CSMD1: variants seen among roughly 807,000 people sequenced by gnomAD.
CSMD1 encodes the protein CUB and sushi domain-containing protein 1.
A neutral mutation model predicts 417.5 loss-of-function variants in CSMD1; 213 were observed. The ratio of observed to expected loss-of-function variants is 0.51; its 90% CI spans 0.46 to 0.57. The LOEUF is 0.57. Ranked by LOEUF, CSMD1 falls within the 20% of genes least tolerant of loss-of-function variation. CSMD1 has a pLI of 0.00. For synonymous variants in CSMD1, 2,862 were observed against 1,736.8 expected, an observed-to-expected ratio of 1.65 and a Z score of -16.11; for missense variants, 6,923 against 4,529.7, an observed-to-expected ratio of 1.53 and a Z score of -15.17.
At chr8:4,099,896 G>A (rs1351228942) in intron 3 of CSMD1, among the ~76,000 whole-genome samples, 2 of 152,104 alleles carry the variant, frequency 1.3e-5, no homozygotes, top group African/African-American at 4.8e-5. Flanking sequence ...AACCAGTTCA[G>A]ACATGGAGAC....
At chr8:4,609,012 G>GA (rs60439250) in intron 2 of CSMD1, among the ~76,000 whole-genome samples, 5,687 of 138,216 alleles carry the variant, frequency 0.041, 283 homozygotes, top group East Asian at 0.16. Context: ...CTTGAATGTA[G>GA]AAAAAAAAAA....
At chr8:4,163,255 T>C (rs569874873) in intron 3 of CSMD1, among the ~76,000 whole-genome samples, 1 of 152,184 alleles carries the variant, frequency 6.6e-6, no homozygotes, top group South Asian at 2.1e-4. Flanking sequence ...TAACAAGGAG[T>C]GTGCTTCCTG....
chr8:4,168,349 T>C (rs890676802), intron 3 of CSMD1, among the ~76,000 whole-genome samples: 4 of 151,986 alleles, frequency 2.6e-5, no homozygotes, highest in African/African-American at 9.7e-5. Context: ...TGATCCTTGA[T>C]TGCGCCACTG....
chr8:4,659,820 A>G (rs1237139640), intron 1 of CSMD1, among the ~76,000 whole-genome samples: 1 of 152,180 alleles, frequency 6.6e-6, no homozygotes, highest in Non-Finnish European at 1.5e-5. Context: ...TTTTTAAATT[A>G]ATCTATGTAA....
chr8:4,254,030 C>A (rs1803269381), intron 3 of CSMD1, among the ~76,000 whole-genome samples: 1 of 150,366 alleles, frequency 6.7e-6, no homozygotes, highest in East Asian at 2.0e-4. Flanking sequence ...CATTCTCCCG[C>A]CTCAGCCTCC....
chr8:3,016,022 T>A (rs1425698561), intron 52 of CSMD1, among the ~76,000 whole-genome samples: 1 of 152,196 alleles, frequency 6.6e-6, no homozygotes, highest in African/African-American at 2.4e-5. Context: ...TGAATTAGCA[T>A]GATAGTATTC....
chr8:3,682,364 A>G (rs1799710504), intron 7 of CSMD1, among the ~76,000 whole-genome samples: 1 of 152,240 alleles, frequency 6.6e-6, no homozygotes, highest in Non-Finnish European at 1.5e-5. Flanking sequence ...AAGCAACCGC[A>G]TCAACAAGTG....
intron 3 of CSMD1, among the ~76,000 whole-genome samples, chr8:4,253,559 A>G (rs556170146): frequency 6.6e-6 from 1 of 152,330 alleles, no homozygotes; most frequent in South Asian, 2.1e-4. Flanking sequence ...CTTGGAGAAC[A>G]TTTGATCTGG....
At chr8:4,065,963 C>CA (rs1332187559) in intron 3 of CSMD1, among the ~76,000 whole-genome samples, 1 of 152,128 alleles carries the variant, frequency 6.6e-6, no homozygotes, top group African/African-American at 2.4e-5. Flanking sequence ...GATGTTCGTC[C>CA]AATTTGGGTG....
intron 15 of CSMD1, among the ~76,000 whole-genome samples, chr8:3,402,315 A>G (rs1563350580): frequency 6.6e-6 from 1 of 151,790 alleles, no homozygotes; most frequent in Non-Finnish European, 1.5e-5. Flanking sequence ...TTTTTATGTG[A>G]GTCATTTTTG....
At chr8:3,827,374 C>G (rs1802114536) in intron 5 of CSMD1, among the ~76,000 whole-genome samples, 1 of 152,196 alleles carries the variant, frequency 6.6e-6, no homozygotes, top group African/African-American at 2.4e-5. Context: ...CATTCTGTTT[C>G]AGTACCACCT....
At chr8:4,750,149 G>A (rs1317154584) in intron 1 of CSMD1, among the ~76,000 whole-genome samples, 1 of 152,080 alleles carries the variant, frequency 6.6e-6, no homozygotes, top group Non-Finnish European at 1.5e-5. Flanking sequence ...GGGACTACAG[G>A]CGCCCGCCAC....
intron 3 of CSMD1, among the ~76,000 whole-genome samples, chr8:4,214,632 A>G (rs1800524199): frequency 6.6e-6 from 1 of 152,066 alleles, no homozygotes; most frequent in African/African-American, 2.4e-5. Flanking sequence ...AACACTGAGT[A>G]TGTATTTGCA....
At chr8:3,395,179 GTGTGGGTATA>G (rs1811610066) in intron 17 of CSMD1, among the ~76,000 whole-genome samples, 4 of 152,112 alleles carry the variant, frequency 2.6e-5, no homozygotes, top group Admixed American at 2.6e-4. Flanking sequence ...AAAATCATAC[GTGTGGGTATA>G]TGTAAATTTT....
Position 4,972,952 on chromosome 8 carries a change from C to T in CSMD1, c.85+21380G>A, listed in dbSNP as rs117354765. On this transcript the variant is annotated intron_variant, in intron 1 of 69. Coordinates refer to ENST00000635120, the MANE Select transcript of CSMD1 (RefSeq NM_033225.6). The stretch of plus-strand genomic sequence containing the variant: ...CTGTAAGTTAACTCTCCAGCATAGC[C>T]GTCATTTTAAAAATTAAAAATCACT... 3.9e-5 allele frequency among the ~76,000 whole-genome samples: 6 copies of T among 152,106 alleles called. No individual in the cohort carries two copies. In the East Asian group the frequency reaches 5.8e-4, roughly 15 times the overall value.
chr8:4,443,546 G>C (rs568273298), intron 2 of CSMD1, among the ~76,000 whole-genome samples: 1 of 152,264 alleles, frequency 6.6e-6, no homozygotes, highest in South Asian at 2.1e-4. Flanking sequence ...CGAATGATAT[G>C]TCAGCCACGT....
intron 8 of CSMD1, among the ~76,000 whole-genome samples, chr8:3,603,890 G>A (rs554566882): frequency 1.3e-5 from 2 of 152,182 alleles, no homozygotes; most frequent in South Asian, 4.1e-4. Context: ...AATGGCCAAG[G>A]CTTAATGCTT....
chr8:4,177,646 T>G (rs1451649427), intron 3 of CSMD1, among the ~76,000 whole-genome samples: 2 of 140,644 alleles, frequency 1.4e-5, no homozygotes, highest in African/African-American at 5.3e-5. Context: ...CAGGAGCTGC[T>G]TTTTTGAAAA....
At chr8:2,986,877 G>C (rs1334171746) in intron 54 of CSMD1, among the ~76,000 whole-genome samples, 1 of 151,962 alleles carries the variant, frequency 6.6e-6, no homozygotes, top group Admixed American at 6.6e-5. Flanking sequence ...TTAATTTGGT[G>C]CAAAAGTAAT....
Sources: gnomAD v4.1 joint callset for allele counts (sites outside exome capture counted in the v4.1 genomes callset) on GRCh38, gnomAD v4.1.1 for gene constraint, MANE v1.5 for transcripts, NCBI Gene and HGNC (gene_info 2026-07-23, HGNC 2026-07-21) for gene names.